The following BLTP1 variants were observed in gnomAD, a reference collection of about 807,000 sequenced individuals.
BLTP1 encodes bridge-like lipid transfer protein family member 1.
chr4:122,323,440 CTTTT>C, the BLTP1 span, among the ~76,000 whole-genome samples: 1 of 140,400 alleles, frequency 7.1e-6, no homozygotes. Context: ...AGAGAACCCT[CTTTT>C]TTTTTTTTTT....
At chr4:122,255,664 A>G in the BLTP1 span, among the ~76,000 whole-genome samples, 2 of 152,182 alleles carry the variant, frequency 1.3e-5, no homozygotes, top group Non-Finnish European at 1.5e-5. Context: ...AGAAAAAAAA[A>G]GAAATACAAG....
chr4:122,212,106 G>A, the BLTP1 span: 1 of 982,000 alleles, frequency 1.0e-6, no homozygotes, highest in African/African-American at 1.7e-5. Flanking sequence ...GTTGGACAGG[G>A]AAGCACAATC....
chr4:122,273,434 A>G, the BLTP1 span: 2 of 984,880 alleles, frequency 2.0e-6, no homozygotes, highest in South Asian at 9.4e-5. Context: ...TTCCCTGGAA[A>G]TATCACAAAG....
At chr4:122,254,622 C>CTT in the BLTP1 span, 93 of 821,910 alleles carry the variant, frequency 1.1e-4, no homozygotes, top group Non-Finnish European at 1.2e-4. Flanking sequence ...TTTTTTCTTT[C>CTT]TTTTCTATTG....
chr4:122,261,365 A>G, the BLTP1 span: 2 of 984,402 alleles, frequency 2.0e-6, no homozygotes, highest in Admixed American at 6.1e-5. Flanking sequence ...TTCTTTTGCT[A>G]TGGGTTATTA....
At chr4:122,214,599 T>C in the BLTP1 span, 1 of 883,558 alleles carries the variant, frequency 1.1e-6, no homozygotes, top group Non-Finnish European at 1.4e-6. Flanking sequence ...AACTATTTTT[T>C]TTTTTTTCAG....
At chr4:122,178,895 G>A in the BLTP1 span, among the ~76,000 whole-genome samples, 1 of 152,092 alleles carries the variant, frequency 6.6e-6, no homozygotes, top group Non-Finnish European at 1.5e-5. Context: ...AAAATTTTAA[G>A]GTTGAACAAA....
chr4:122,335,097 T>C, the BLTP1 span, among the ~76,000 whole-genome samples: 2 of 151,656 alleles, frequency 1.3e-5, no homozygotes, highest in East Asian at 4.0e-4. Flanking sequence ...GGCTGAAACA[T>C]CTGCCTCCAT....
At chr4:122,236,964 A>G in the BLTP1 span, 7 of 985,416 alleles carry the variant, frequency 7.1e-6, no homozygotes, top group South Asian at 4.7e-5. Context: ...CAAGGAGGGC[A>G]TATGGGTAGA....
the BLTP1 span, among the ~76,000 whole-genome samples, chr4:122,213,120 A>G: frequency 6.9e-4 from 105 of 152,090 alleles, no homozygotes; most frequent in South Asian, 0.02. Flanking sequence ...GTAATCTGGA[A>G]CTCCAGGGCT....
chr4:122,254,294 T>G, the BLTP1 span: 1 of 1,613,566 alleles, frequency 6.2e-7, no homozygotes, highest in Non-Finnish European at 8.5e-7. Context: ...AGAAATTTGG[T>G]TTAGTTTTGC....
chr4:122,238,387 A>G, the BLTP1 span: 323 of 1,552,080 alleles, frequency 2.1e-4, no homozygotes, highest in Admixed American at 5.4e-3. Context: ...CTGATCATAA[A>G]TAGGATTATA....
the BLTP1 span, chr4:122,291,798 C>A: frequency 2.7e-5 from 26 of 976,222 alleles, no homozygotes; most frequent in African/African-American, 4.2e-4. Context: ...ATAATAGCGT[C>A]TCTTATGGTT....
chr4:122,228,228 A>G, the BLTP1 span, among the ~76,000 whole-genome samples: 2 of 152,304 alleles, frequency 1.3e-5, no homozygotes, highest in East Asian at 1.9e-4. Flanking sequence ...ATTTTTAAAA[A>G]TAAGTTTCAT....
chr4:122,166,255 G>A, the BLTP1 span, among the ~76,000 whole-genome samples: 3 of 152,092 alleles, frequency 2.0e-5, no homozygotes, highest in African/African-American at 4.8e-5. Flanking sequence ...TTTGTATAAG[G>A]TGTAAGGAAG....
chr4:122,185,103 T>C, the BLTP1 span: 1 of 984,524 alleles, frequency 1.0e-6, no homozygotes, highest in Non-Finnish European at 1.2e-6. Flanking sequence ...GGCTCAGACT[T>C]GTAAGTTTAA....
At chr4:122,226,925 A>G in the BLTP1 span, 6 of 945,196 alleles carry the variant, frequency 6.3e-6, no homozygotes, top group South Asian at 4.8e-5. Flanking sequence ...TCAAATACAC[A>G]TAGCCATGCA....
chr4:122,355,790 A>AT, the BLTP1 span: 1 of 1,590,510 alleles, frequency 6.3e-7, no homozygotes, highest in Non-Finnish European at 8.6e-7. Flanking sequence ...ATCATTATGC[A>AT]TGTAGAGCTA....
At chr4:122,298,821 A>G in the BLTP1 span, 11 of 966,018 alleles carry the variant, frequency 1.1e-5, no homozygotes, top group Admixed American at 6.2e-5. Flanking sequence ...AGAGAGGGAC[A>G]GTTTGATGAA....
Sources: allele counts gnomAD v4.1 joint callset (sites outside exome capture counted in the v4.1 genomes callset), GRCh38; gene constraint gnomAD v4.1.1; transcripts MANE v1.5; gene names NCBI Gene and HGNC (gene_info 2026-07-23, HGNC 2026-07-21).